The following CHLSN variants were observed in gnomAD, a reference collection of about 807,000 sequenced individuals.
The protein encoded by CHLSN is protein cholesin.
At chr7:1,053,219 C>T in the CHLSN span, among the ~76,000 whole-genome samples, 1 of 152,254 alleles carries the variant, frequency 6.6e-6, no homozygotes, top group African/African-American at 2.4e-5. Context: ...CCCGCCTGGG[C>T]CAGGCCAGGC....
chr7:1,123,005 G>A, the CHLSN span, among the ~76,000 whole-genome samples: 91,309 of 152,058 alleles, frequency 0.6, 28,947 homozygotes, highest in African/African-American at 0.81. The surrounding 1 kb of genome is among the most constrained non-coding windows in gnomAD (Gnocchi z 4.4). Flanking sequence ...ACCACAAGCC[G>A]CCCACCTCCC....
chr7:1,105,248 T>G, the CHLSN span, among the ~76,000 whole-genome samples: 1 of 152,206 alleles, frequency 6.6e-6, no homozygotes, highest in East Asian at 1.9e-4. Flanking sequence ...TTCAATATGG[T>G]GACCAACTGA....
the CHLSN span, chr7:985,080 GC>G: frequency 6.2e-7 from 1 of 1,612,346 alleles, no homozygotes; most frequent in Non-Finnish European, 8.5e-7. Context: ...GCCTCTCTGG[GC>G]AGCTGGATGG....
At chr7:1,071,365 C>T in the CHLSN span, among the ~76,000 whole-genome samples, 11 of 152,286 alleles carry the variant, frequency 7.2e-5, no homozygotes, top group South Asian at 1.7e-3. Flanking sequence ...GCTGTGGCCC[C>T]GGGCTCTGTG....
At chr7:1,030,760 G>A in the CHLSN span, among the ~76,000 whole-genome samples, 50 of 150,688 alleles carry the variant, frequency 3.3e-4, no homozygotes, top group African/African-American at 4.9e-4. Flanking sequence ...CCCGGGGCAC[G>A]CGGGGACTCT....
chr7:1,106,173 A>G, the CHLSN span, among the ~76,000 whole-genome samples: 1 of 152,190 alleles, frequency 6.6e-6, no homozygotes, highest in Non-Finnish European at 1.5e-5. Context: ...AGTCCCGCAC[A>G]CTGCCCGGCC....
the CHLSN span, among the ~76,000 whole-genome samples, chr7:998,563 G>A: frequency 6.9e-6 from 1 of 144,476 alleles, no homozygotes; most frequent in Non-Finnish European, 1.5e-5. Context: ...TCCTGCCTCA[G>A]CCTCCCAAGT....
At chr7:1,021,067 C>T in the CHLSN span, among the ~76,000 whole-genome samples, 2 of 151,836 alleles carry the variant, frequency 1.3e-5, no homozygotes, top group East Asian at 3.9e-4. Context: ...GGCTGGGGAC[C>T]TTCAGGCAGG....
chr7:997,852 C>A, the CHLSN span: 1 of 1,507,672 alleles, frequency 6.6e-7, no homozygotes, highest in Non-Finnish European at 9.1e-7. Context: ...CAGGGAGGGG[C>A]CGCTGAACAG....
At chr7:1,051,763 C>G in the CHLSN span, among the ~76,000 whole-genome samples, 1 of 152,206 alleles carries the variant, frequency 6.6e-6, no homozygotes, top group Non-Finnish European at 1.5e-5. Context: ...CACTTGAACC[C>G]AGGAGTTTGA....
chr7:1,134,664 C>T, the CHLSN span, among the ~76,000 whole-genome samples: 1 of 151,788 alleles, frequency 6.6e-6, no homozygotes, highest in East Asian at 1.9e-4. Flanking sequence ...GTCAGGAGAT[C>T]GAGACCATCC....
the CHLSN span, among the ~76,000 whole-genome samples, chr7:1,136,901 C>G: frequency 6.6e-6 from 1 of 152,062 alleles, no homozygotes; most frequent in Non-Finnish European, 1.5e-5. Flanking sequence ...CAACCCACCA[C>G]AAACTCCTGT....
chr7:1,033,023 G>A, the CHLSN span, among the ~76,000 whole-genome samples: 3 of 152,280 alleles, frequency 2.0e-5, no homozygotes, highest in South Asian at 2.1e-4. Flanking sequence ...GGACAGTCTC[G>A]GCAAGTCCGT....
At chr7:1,003,566 G>T in the CHLSN span, among the ~76,000 whole-genome samples, 2 of 48,426 alleles carry the variant, frequency 4.1e-5, no homozygotes, top group Non-Finnish European at 3.9e-5. Context: ...TCCTGTGGGT[G>T]GGGAGTCCTG....
the CHLSN span, among the ~76,000 whole-genome samples, chr7:1,036,703 G>A: frequency 1.3e-5 from 2 of 149,448 alleles, 1 homozygote; most frequent in Non-Finnish European, 3.0e-5. Flanking sequence ...GGGGAAGATG[G>A]CGGCTGCTCC....
At chr7:980,741 G>T in the CHLSN span, among the ~76,000 whole-genome samples, 2 of 144,762 alleles carry the variant, frequency 1.4e-5, no homozygotes, top group Admixed American at 1.4e-4. Flanking sequence ...AGGCTGGAGT[G>T]CAGTGGTGCC....
At chr7:987,472 C>G in the CHLSN span, 4 of 1,560,478 alleles carry the variant, frequency 2.6e-6, no homozygotes, top group Admixed American at 7.4e-5. Context: ...CACGCTCCTG[C>G]CGCACGTGCC....
At chr7:988,361 T>C in the CHLSN span, 1 of 1,612,624 alleles carries the variant, frequency 6.2e-7, no homozygotes, top group East Asian at 2.2e-5. Flanking sequence ...CCCCGGCCAT[T>C]TCCTGGACGC....
the CHLSN span, among the ~76,000 whole-genome samples, chr7:1,064,036 AG>A: frequency 6.6e-6 from 1 of 152,118 alleles, no homozygotes; most frequent in African/African-American, 2.4e-5. Context: ...CTCTGAGGGG[AG>A]GGAGTCACTT....
Sources: allele counts gnomAD v4.1 joint callset (sites outside exome capture counted in the v4.1 genomes callset), GRCh38; gene constraint gnomAD v4.1.1; non-coding constraint Gnocchi (gnomAD v3.1); transcripts MANE v1.5; gene names NCBI Gene and HGNC (gene_info 2026-07-23, HGNC 2026-07-21).